RBMS3: variants seen among roughly 807,000 people sequenced by gnomAD.
RBMS3 encodes RNA-binding motif, single-stranded-interacting protein 3.
In RBMS3, 27 loss-of-function variants were observed where a neutral mutation model predicts 66.8. That is an observed-to-expected ratio of 0.40 (90% CI 0.30 to 0.56). The LOEUF is 0.56. Among genes scored for constraint, RBMS3 ranks in the 20% least tolerant of loss-of-function variants. RBMS3 has a pLI of 0.40. For missense variants in RBMS3, 513 were observed against 549.5 expected, an observed-to-expected ratio of 0.93 and a Z score of 0.66; for synonymous variants, 188 against 183.0, an observed-to-expected ratio of 1.03 and a Z score of -0.22.
intron 2 of RBMS3, among the ~76,000 whole-genome samples, chr3:29,440,432 G>A (rs1250744961): frequency 6.6e-6 from 1 of 152,118 alleles, no homozygotes; most frequent in Non-Finnish European, 1.5e-5. Flanking sequence ...GAAACAGAAT[G>A]CAGGAAAATA....
chr3:29,457,830 T>C (rs1303157107), intron 2 of RBMS3, among the ~76,000 whole-genome samples: 1 of 149,870 alleles, frequency 6.7e-6, no homozygotes, highest in African/African-American at 2.4e-5. Flanking sequence ...ATTTGCACTT[T>C]TTTTTTTTTT....
intron 1 of RBMS3, among the ~76,000 whole-genome samples, chr3:29,392,199 G>A (rs147059752): frequency 0.013 from 1,937 of 152,258 alleles, 52 homozygotes; most frequent in African/African-American, 0.043. Context: ...GCAGTGAGCC[G>A]AGATTGTGCC....
chr3:29,765,191 C>G (rs530896082), intron 6 of RBMS3, among the ~76,000 whole-genome samples: 1 of 151,974 alleles, frequency 6.6e-6, no homozygotes, highest in South Asian at 2.1e-4. Flanking sequence ...GTAATTTGCC[C>G]TTGTTGAGTA....
At chr3:29,598,720 A>G (rs9917811) in intron 4 of RBMS3, among the ~76,000 whole-genome samples, 22,579 of 151,708 alleles carry the variant, frequency 0.15, 1,925 homozygotes, top group East Asian at 0.32. Flanking sequence ...CTGTCTCCCC[A>G]CCTCCGTCTA....
At chr3:29,389,084 A>T (rs181375718) in intron 1 of RBMS3, among the ~76,000 whole-genome samples, 27 of 152,302 alleles carry the variant, frequency 1.8e-4, no homozygotes, top group African/African-American at 6.3e-4. Context: ...AATAGTGAAG[A>T]CATAACAGCA....
chr3:29,868,799 T>A, intron 6 of RBMS3, 59 bp from the exon 7 acceptor site: 1 of 1,379,350 alleles, frequency 7.2e-7, no homozygotes, highest in Non-Finnish European at 1.0e-6. Context: ...GTGACTCACA[T>A]AATCACTTAG....
At chr3:29,889,693 G>A (rs1270828353) in intron 8 of RBMS3, among the ~76,000 whole-genome samples, 1 of 151,572 alleles carries the variant, frequency 6.6e-6, no homozygotes, top group Non-Finnish European at 1.5e-5. Context: ...TGTACTTCTT[G>A]ATACCCATAT....
intron 1 of RBMS3, among the ~76,000 whole-genome samples, chr3:29,384,714 A>C (rs1452723232): frequency 3.3e-5 from 5 of 152,158 alleles, no homozygotes; most frequent in African/African-American, 1.2e-4. Flanking sequence ...AAGAGACATG[A>C]CTGTTTCAGA....
At chr3:29,486,140 CTTAT>C (rs1336955229) in intron 2 of RBMS3, among the ~76,000 whole-genome samples, 11 of 152,128 alleles carry the variant, frequency 7.2e-5, no homozygotes, top group Admixed American at 2.0e-4. Flanking sequence ...AAATCTAAAC[CTTAT>C]TTATCTACAT....
chr3:29,638,673 G>A (rs1294408219), intron 4 of RBMS3, among the ~76,000 whole-genome samples: 2 of 151,808 alleles, frequency 1.3e-5, no homozygotes, highest in Non-Finnish European at 2.9e-5. Flanking sequence ...CATTTTAGGT[G>A]AATGTTTTGT....
intron 6 of RBMS3, among the ~76,000 whole-genome samples, chr3:29,809,047 T>C (rs2057645263): frequency 1.3e-5 from 2 of 151,974 alleles, no homozygotes; most frequent in Non-Finnish European, 2.9e-5. Flanking sequence ...TTTCCTTAAA[T>C]ATGAAATTAT....
intron 12 of RBMS3, among the ~76,000 whole-genome samples, chr3:29,984,763 T>C (rs1317810211): frequency 1.3e-5 from 2 of 152,290 alleles, no homozygotes; most frequent in South Asian, 2.1e-4. Context: ...CAAATATTGC[T>C]GCCTGTTCCT....
rs571099476 is a variant in RBMS3 at position 29,586,812 on chromosome 3, A to C, written c.308-302A>C. ...TCACTTTTGCCATAATCCATGAAGA[A>C]AGAACACGGTTAAACAGTCTATTAT... On this transcript the variant is annotated intron_variant, in intron 3 of 14. Transcript: ENST00000383767. 2.6e-5 allele frequency among the ~76,000 whole-genome samples: 4 copies of C among 152,268 alleles called. No homozygotes were observed. The East Asian group carries it at 5.8e-4, about 22-fold the overall frequency.
chr3:29,846,241 A>G (rs956630204), intron 6 of RBMS3, among the ~76,000 whole-genome samples: 14 of 152,094 alleles, frequency 9.2e-5, no homozygotes, highest in Non-Finnish European at 1.8e-4. Context: ...CCAAAAAGAG[A>G]TGGTGGTAAT....
intron 12 of RBMS3, among the ~76,000 whole-genome samples, chr3:29,979,251 G>A (rs1374661297): frequency 6.6e-6 from 1 of 152,162 alleles, no homozygotes; most frequent in Non-Finnish European, 1.5e-5. Flanking sequence ...AATAGGTAAA[G>A]CATTTTGCTT....
chr3:29,285,096 A>T (rs1475047134), intron 1 of RBMS3, among the ~76,000 whole-genome samples: 1 of 151,268 alleles, frequency 6.6e-6, no homozygotes, highest in Non-Finnish European at 1.5e-5. Flanking sequence ...ATGACAAAAT[A>T]CAAAATGTTT....
chr3:29,775,333 A>C (rs935499628), intron 6 of RBMS3, among the ~76,000 whole-genome samples: 8 of 149,828 alleles, frequency 5.3e-5, no homozygotes, highest in Non-Finnish European at 5.9e-5. Flanking sequence ...TTATTTTTTT[A>C]AATGCAGAGG....
Position 29,302,511 on chromosome 3 carries a change from A to G in RBMS3, c.75+20755A>G, listed in dbSNP as rs189448660. Reference sequence around the variant, plus strand: ...GAGAACACAGTGGATTGTCCCCACAATCTTGGAAAAAAAATATATATGTAT... The same window carrying G: ...GAGAACACAGTGGATTGTCCCCACAGTCTTGGAAAAAAAATATATATGTAT... On this transcript the variant is annotated intron_variant, in intron 1 of 14. Transcript: ENST00000383767. 5.2e-3 allele frequency among the ~76,000 whole-genome samples: 798 copies of G among 152,084 alleles called. 3 individuals are homozygous for G. Among genetic ancestry groups the G allele is most frequent in the Non-Finnish European group, 6.9e-3 (471 of 67,956 alleles).
intron 8 of RBMS3, among the ~76,000 whole-genome samples, chr3:29,886,176 C>T (rs1275943434): frequency 2.0e-5 from 3 of 151,850 alleles, no homozygotes; most frequent in Admixed American, 6.6e-5. Flanking sequence ...AAAATATCAT[C>T]TACTATCCAG....
Sources: allele counts gnomAD v4.1 joint callset (sites outside exome capture counted in the v4.1 genomes callset), GRCh38; gene constraint gnomAD v4.1.1; transcripts MANE v1.5; gene names NCBI Gene and HGNC (gene_info 2026-07-23, HGNC 2026-07-21).